The following NEK7 variants were observed in gnomAD, a reference collection of about 807,000 sequenced individuals.
NEK7 encodes NIMA related kinase 7.
In NEK7, 18 loss-of-function variants were observed where a neutral mutation model predicts 44.6. The observed-to-expected ratio is 0.40, with a 90% CI of 0.28 to 0.60. The LOEUF (loss-of-function observed/expected upper bound fraction) is 0.60, where lower values mean the gene tolerates loss of function less well. Ranked by LOEUF, NEK7 falls within the 20% of genes least tolerant of loss-of-function variation. NEK7 has a pLI of 0.38. For synonymous variants in NEK7, 130 were observed against 121.1 expected, an observed-to-expected ratio of 1.07 and a Z score of -0.48; for missense variants, 256 against 366.5, an observed-to-expected ratio of 0.70 and a Z score of 2.46.
chr1:198,205,854 TA>T (rs869168297), intron 1 of NEK7, among the ~76,000 whole-genome samples: 8 of 152,096 alleles, frequency 5.3e-5, no homozygotes, highest in Non-Finnish European at 7.4e-5. Context: ...AAAGTCAGTT[TA>T]AAAAAATTTT....
At chr1:198,259,066 C>T (rs1377368592) in intron 3 of NEK7, among the ~76,000 whole-genome samples, 1 of 152,016 alleles carries the variant, frequency 6.6e-6, no homozygotes, top group African/African-American at 2.4e-5. Context: ...TTTAGTTTTG[C>T]TTTAGATGTG....
chr1:198,226,887 CTTTAAGT>C (rs1666243787), intron 1 of NEK7, among the ~76,000 whole-genome samples: 1 of 150,792 alleles, frequency 6.6e-6, no homozygotes. Flanking sequence ...TTTCATTATA[CTTTAAGT>C]TTTAGGGTAC....
At chr1:198,212,496 G>A (rs1360005558) in intron 1 of NEK7, among the ~76,000 whole-genome samples, 3 of 152,170 alleles carry the variant, frequency 2.0e-5, no homozygotes, top group South Asian at 2.1e-4. Context: ...TGCAGTAGAG[G>A]CAGCTGCACT....
chr1:198,209,035 GTGTATATA>G (rs1382595387), intron 1 of NEK7, among the ~76,000 whole-genome samples: 1 of 94,124 alleles, frequency 1.1e-5, no homozygotes, highest in Non-Finnish European at 1.8e-5. Flanking sequence ...ATATGTGTGT[GTGTATATA>G]TATATATATA....
At chr1:198,201,692 A>G (rs919167024) in intron 1 of NEK7, among the ~76,000 whole-genome samples, 8 of 152,118 alleles carry the variant, frequency 5.3e-5, no homozygotes, top group African/African-American at 1.9e-4. Context: ...TATAATTTTT[A>G]TGCTCTTCTG....
chr1:198,287,648 T>C (rs1056617479), intron 7 of NEK7, among the ~76,000 whole-genome samples: 4 of 152,148 alleles, frequency 2.6e-5, no homozygotes, highest in African/African-American at 9.7e-5. Context: ...CTTTCATTGT[T>C]AGCTTACTGC....
intron 1 of NEK7, among the ~76,000 whole-genome samples, chr1:198,219,894 A>C (rs962422779): frequency 8.2e-6 from 1 of 122,028 alleles, no homozygotes; most frequent in African/African-American, 3.1e-5. Context: ...CTATGAAATC[A>C]CTCTTTTTCC....
At chr1:198,294,470 G>C (rs866087927) in intron 8 of NEK7, among the ~76,000 whole-genome samples, 5 of 151,994 alleles carry the variant, frequency 3.3e-5, no homozygotes, top group South Asian at 2.1e-4. Context: ...TATTATCAAA[G>C]CAACATATTC....
chr1:198,189,657 T>A (rs1318006655), intron 1 of NEK7, among the ~76,000 whole-genome samples: 2 of 152,134 alleles, frequency 1.3e-5, no homozygotes, highest in Admixed American at 1.3e-4. Context: ...AAATTTTATG[T>A]TTTAGAATAT....
At chr1:198,215,546 C>A (rs1020891446) in intron 1 of NEK7, among the ~76,000 whole-genome samples, 1 of 98,748 alleles carries the variant, frequency 1.0e-5, no homozygotes, top group African/African-American at 5.1e-5. Context: ...CAAGACAATT[C>A]TTCTTCTTCT....
intron 7 of NEK7, among the ~76,000 whole-genome samples, chr1:198,289,271 A>G (rs1453532407): frequency 2.0e-5 from 3 of 152,146 alleles, no homozygotes; most frequent in East Asian, 3.8e-4. Flanking sequence ...TCTAGGAGAA[A>G]GAAACTATAT....
intron 9 of NEK7, among the ~76,000 whole-genome samples, chr1:198,314,417 T>C (rs1312507830): frequency 2.6e-5 from 4 of 152,216 alleles, no homozygotes; most frequent in Admixed American, 1.3e-4. Context: ...TCGTCTGAAG[T>C]CTTCTTCTCT....
chr1:198,214,020 C>T (rs567913004), intron 1 of NEK7, among the ~76,000 whole-genome samples: 22 of 152,114 alleles, frequency 1.4e-4, no homozygotes, highest in Non-Finnish European at 3.2e-4. Context: ...CTCATATACC[C>T]GGCACATTGC....
intron 7 of NEK7, among the ~76,000 whole-genome samples, chr1:198,279,493 A>G (rs1654125946): frequency 6.6e-6 from 1 of 152,022 alleles, no homozygotes; most frequent in Non-Finnish European, 1.5e-5. Context: ...AATAGAAATT[A>G]CTAAAGGAGA....
chr1:198,196,855 T>C (rs12409644), intron 1 of NEK7, among the ~76,000 whole-genome samples: 2,936 of 152,186 alleles, frequency 0.019, 211 homozygotes, highest in Admixed American at 0.14. Flanking sequence ...AAGGAAGAGT[T>C]TGGGAATGGA....
rs370759232 is a variant in NEK7, at chr1:198,266,084, A to T, written c.372+1849A>T. On this transcript the variant is annotated intron_variant, in intron 5 of 9. Transcript: ENST00000367385. ...ACTATCTTTATACCCATTTAAATAT[A>T]AGAATATATACTAATACATTTATTC... Among the ~76,000 whole-genome samples the T allele has an allele frequency of 3.3e-5, 5 of 152,220 alleles. No individual in the cohort carries two copies. The East Asian group carries it at 7.7e-4, about 24-fold the overall frequency.
At chr1:198,231,330 T>TATATATATAC (rs1666391521) in intron 1 of NEK7, among the ~76,000 whole-genome samples, 1 of 136,066 alleles carries the variant, frequency 7.3e-6, no homozygotes, top group Admixed American at 7.4e-5. Flanking sequence ...TATATATATA[T>TATATATATAC]ATATATAAAA....
intron 7 of NEK7, among the ~76,000 whole-genome samples, chr1:198,279,507 T>C (rs1295465565): frequency 6.6e-6 from 1 of 151,998 alleles, no homozygotes; most frequent in Non-Finnish European, 1.5e-5. Context: ...AAGGAGATCA[T>C]TTTTAAATTG....
chr1:198,294,363 T>C (rs1191054906), intron 8 of NEK7, among the ~76,000 whole-genome samples: 1 of 152,084 alleles, frequency 6.6e-6, no homozygotes, highest in African/African-American at 2.4e-5. Flanking sequence ...GGATTGTTTA[T>C]ATTGTTACTA....
Sources: allele counts gnomAD v4.1 joint callset (sites outside exome capture counted in the v4.1 genomes callset), GRCh38; gene constraint gnomAD v4.1.1; transcripts MANE v1.5; gene names NCBI Gene and HGNC (gene_info 2026-07-23, HGNC 2026-07-21).